The following COL6A6 variants were observed in gnomAD, a reference collection of about 807,000 sequenced individuals.
COL6A6 encodes the protein collagen alpha-6(VI) chain.
In COL6A6, 183 loss-of-function variants were observed where a neutral mutation model predicts 208.6. The observed-to-expected ratio is 0.88, with a 90% CI of 0.78 to 0.99. The LOEUF (loss-of-function observed/expected upper bound fraction) is 0.99, where lower values mean the gene tolerates loss of function less well. Ranked by LOEUF, COL6A6 falls within the 50% of genes least tolerant of loss-of-function variation. The pLI is 0.00. For missense variants in COL6A6, 2,816 were observed against 2,815.2 expected (o/e 1.00, Z -0.01); for synonymous variants, 973 against 1,011.8 (o/e 0.96, Z 0.73).
intron 10 of COL6A6, 84 bp from the exon 11 acceptor site, chr3:130,586,422 G>T: frequency 7.9e-7 from 1 of 1,259,400 alleles, no homozygotes; most frequent in South Asian, 1.6e-5. Flanking sequence ...GCTGTTCACT[G>T]AGAATAACAA....
chr3:130,649,490 G>T lies in COL6A6; in HGVS notation c.5661G>T (p.Glu1887Asp). Reference protein sequence around the residue: ...DAHSITTAAMEFGALEIIPVV... With the variant: ...DAHSITTAAMDFGALEIIPVV... ...ACTCCATCACCACGGCTGCCATGGA[G>T]TTCGGCGCGCTTGAAATCATTCCCG... Residue 1887 changes from glutamate (E) to aspartate (D), a missense_variant, in exon 33 of 37, where the codon GAG (glutamate) becomes GAT (aspartate). By Grantham distance (45) the Glu-to-Asp change is conservative. Coordinates refer to ENST00000358511, the MANE Select transcript of COL6A6 (RefSeq NM_001102608.3). 1.9e-6 allele frequency: 3 copies of T among 1,608,564 alleles called. No individual in the cohort carries two copies. Among genetic ancestry groups the T allele is most frequent in the Non-Finnish European group, 2.5e-6 (3 of 1,177,514 alleles).
intron 1 of COL6A6, among the ~76,000 whole-genome samples, chr3:130,536,291 C>A (rs374067379): frequency 1.3e-5 from 2 of 152,202 alleles, no homozygotes; most frequent in South Asian, 2.1e-4. Flanking sequence ...ACAAGAGACA[C>A]CTGTCTCTTT....
intron 19 of COL6A6, among the ~76,000 whole-genome samples, 181 bp from the exon 20 acceptor site, chr3:130,599,576 C>T (rs539277818): frequency 2.6e-4 from 40 of 152,306 alleles, no homozygotes; most frequent in African/African-American, 9.1e-4. Flanking sequence ...TGCAATTCCT[C>T]ATGACTTATA....
chr3:130,642,386 C>G (rs1026213024), intron 29 of COL6A6, among the ~76,000 whole-genome samples: 1 of 151,996 alleles, frequency 6.6e-6, no homozygotes, highest in African/African-American at 2.4e-5. Flanking sequence ...GATTAAGGTT[C>G]AGCTCTGGCT....
intron 10 of COL6A6, among the ~76,000 whole-genome samples, chr3:130,585,345 T>C (rs2063514189): frequency 1.3e-5 from 2 of 152,240 alleles, no homozygotes; most frequent in African/African-American, 2.4e-5. Flanking sequence ...CAGGCAGTCA[T>C]TTAACCTCTC....
rs1040186977 is a variant in COL6A6 at position 130,563,180 on chromosome 3, A to G, written c.177A>G (p.Ile59Met). Residue 59 changes from isoleucine to methionine, a missense_variant, in exon 3 of 37, where the codon ATA becomes ATG. Transcript: ENST00000358511. ...CCAAAATGATCAGCAGTCTCCCCAT[A>G]GAGGCCGACAAATACCGTGTGGCCC... Reference protein sequence around the residue: ...FITKMISSLPIEADKYRVALA... With the variant: ...FITKMISSLPMEADKYRVALA... 7 of 1,614,050 alleles carry G rather than the reference A, an allele frequency of 4.3e-6. No individual in the cohort carries two copies. The highest frequency in any genetic ancestry group is 5.1e-6 in the Non-Finnish European group (6 of 1,179,898).
At position 130,570,917 on chromosome 3, in the gene COL6A6, G is replaced by A. The variant is rs979903943; in HGVS notation, c.2501G>A (p.Gly834Asp). The A allele has an allele frequency of 1.2e-6, 2 of 1,613,808 alleles. No individual in the cohort carries two copies. The highest frequency in any genetic ancestry group is 1.6e-4 in the Middle Eastern group (1 of 6,084). ...EYNIMKDFMI[G>D]LVKKADVGKN... Reference sequence around the variant, plus strand: ...AATATCATGAAGGATTTTATGATTGGCTTAGTGAAAAAAGCTGATGTGGGC... The same window carrying A: ...AATATCATGAAGGATTTTATGATTGACTTAGTGAAAAAAGCTGATGTGGGC... Residue 834 changes from glycine to aspartate, a missense_variant, in exon 7 of 37, where the codon GGC (glycine) becomes GAC (aspartate). Physicochemically the swap from Gly to Asp is moderately conservative, Grantham distance 94 (BLOSUM62 -1). Transcript: ENST00000358511.
Position 130,642,922 on chromosome 3 carries a change from A to AT in COL6A6, c.5190+60dup, listed in dbSNP as rs1017454863. 13 of 1,613,162 alleles carry AT rather than the reference A, an allele frequency of 8.1e-6. No individual in the cohort carries two copies. The Admixed American group carries it at 1.5e-4, about 19-fold the overall frequency. ...TCTGAGTGCTCCATTCAATTTACTT[A>AT]TTTTTAAACCTCAGGGCCTAGCAGT... On this transcript the variant is annotated intron_variant, in intron 30 of 36. Coordinates refer to ENST00000358511, the MANE Select transcript of COL6A6 (RefSeq NM_001102608.3).
intron 24 of COL6A6, among the ~76,000 whole-genome samples, chr3:130,624,988 C>T (rs1231654514): frequency 6.6e-6 from 1 of 152,200 alleles, no homozygotes; most frequent in Non-Finnish European, 1.5e-5. Context: ...TATGACTTTC[C>T]TTGTTTCCTT....
intron 20 of COL6A6, among the ~76,000 whole-genome samples, chr3:130,600,833 C>T (rs1314553042): frequency 6.6e-6 from 1 of 151,834 alleles, no homozygotes; most frequent in East Asian, 1.9e-4. Flanking sequence ...ATGTAACAAA[C>T]CTACATGTTC....
chr3:130,568,696 G>A (rs2063091661), intron 6 of COL6A6, 92 bp downstream of exon 6: 7 of 1,217,022 alleles, frequency 5.8e-6, no homozygotes, highest in East Asian at 2.4e-5. Flanking sequence ...TTTACATATT[G>A]TAAACTTTTG....
At chr3:130,553,545 G>T (rs942411838) in intron 1 of COL6A6, among the ~76,000 whole-genome samples, 1 of 151,736 alleles carries the variant, frequency 6.6e-6, no homozygotes, top group African/African-American at 2.4e-5. Flanking sequence ...TTCATCTCCT[G>T]TATCATTTTA....
At chr3:130,537,878 A>G (rs538906773) in intron 1 of COL6A6, among the ~76,000 whole-genome samples, 1 of 152,360 alleles carries the variant, frequency 6.6e-6, no homozygotes, top group Non-Finnish European at 1.5e-5. Flanking sequence ...AAAAACAGCA[A>G]CTTGGAGATA....
intron 34 of COL6A6, among the ~76,000 whole-genome samples, chr3:130,659,312 A>G (rs550157172): frequency 6.6e-6 from 1 of 152,230 alleles, no homozygotes; most frequent in Non-Finnish European, 1.5e-5. Flanking sequence ...TACGTAATGT[A>G]TAGGTCTAAC....
rs61730502 is a variant in COL6A6, at chr3:130,568,519, C to T, written c.2316C>T (p.Pro772=). The change falls in exon 6 of 37, where the codon CCC becomes CCT. Residue 772 remains proline (P), a synonymous_variant. Transcript: ENST00000358511. ...VTQLEEISGR[P]EMVFYVENFD... ...AGCTTGAGGAGATCAGTGGGAGGCC[C>T]GAGATGGTTTTTTATGTTGAGAATT... 117 of 1,612,900 alleles carry T rather than the reference C, an allele frequency of 7.3e-5. No individual in the cohort carries two copies. Among genetic ancestry groups the T allele is most frequent in the East Asian group, 3.8e-4 (17 of 44,872 alleles).
rs1459420717 is a variant in COL6A6, at chr3:130,565,057, A to G, written c.725A>G (p.Glu242Gly). The change falls in exon 4 of 37, where the codon GAG (glutamate) becomes GGG (glycine). Residue 242 changes from glutamate (E) to glycine (G), a missense_variant. Coordinates refer to ENST00000358511, the MANE Select transcript of COL6A6 (RefSeq NM_001102608.3). ...TTGGATATGTCAATCAATGGAAGTG[A>G]GGAGAACTTTGACTATCTTAAAGGA... The part of the protein sequence containing the change: ...FLLDMSINGS[E>G]ENFDYLKGFL... 1.2e-6 allele frequency: 2 copies of G among 1,613,910 alleles called. No homozygotes were observed. The highest frequency in any genetic ancestry group is 1.7e-6 in the Non-Finnish European group (2 of 1,179,880).
At chr3:130,599,103 C>T (rs577142111) in intron 19 of COL6A6, among the ~76,000 whole-genome samples, 1 of 152,150 alleles carries the variant, frequency 6.6e-6, no homozygotes, top group East Asian at 1.9e-4. Context: ...CTGTAAACCC[C>T]AATTTTCTTA....
At chr3:130,578,423 G>A (rs2063344162) in intron 8 of COL6A6, among the ~76,000 whole-genome samples, 1 of 152,186 alleles carries the variant, frequency 6.6e-6, no homozygotes, top group South Asian at 2.1e-4. Context: ...TATTGGGAGT[G>A]CAGTCCCAGG....
chr3:130,567,036 C>G lies in COL6A6; in HGVS notation c.1617C>G (p.Cys539Trp). The G allele has an allele frequency of 5.0e-6, 8 of 1,614,024 alleles. No homozygotes were observed. The highest frequency in any genetic ancestry group is 6.8e-6 in the Non-Finnish European group (8 of 1,179,888). Reference protein sequence around the residue: ...AKKQRGNKVPCHLVVLTNGMS... With the variant: ...AKKQRGNKVPWHLVVLTNGMS... ...AGCAGCGAGGAAACAAAGTTCCATGCCACCTTGTTGTCCTGACAAATGGCA... is the reference window on the plus strand; with the variant it reads ...AGCAGCGAGGAAACAAAGTTCCATGGCACCTTGTTGTCCTGACAAATGGCA... The change falls in exon 5 of 37, where the codon TGC (cysteine) becomes TGG (tryptophan). Residue 539 changes from cysteine (C) to tryptophan (W), a missense_variant. By Grantham distance (215) the Cys-to-Trp change is radical. Coordinates refer to ENST00000358511, the MANE Select transcript of COL6A6 (RefSeq NM_001102608.3).
Sources: allele counts gnomAD v4.1 joint callset (sites outside exome capture counted in the v4.1 genomes callset), GRCh38; gene constraint gnomAD v4.1.1; transcripts MANE v1.5; gene names NCBI Gene and HGNC (gene_info 2026-07-23, HGNC 2026-07-21).